ZNF486: variants seen among roughly 807,000 people sequenced by gnomAD.
The protein encoded by ZNF486 is KRAB box only protein 2.
Under a neutral mutation model 12.8 loss-of-function variants are expected in ZNF486, and 12 were observed. That is an observed-to-expected ratio of 0.94 (90% CI 0.60 to 1.52). ZNF486 has a LOEUF of 1.52. Ranked by LOEUF, ZNF486 falls within the 40% of genes most tolerant of loss-of-function variation. The pLI, the probability that ZNF486 is intolerant of heterozygous loss-of-function variation, is 0.00. For synonymous variants in ZNF486, 231 were observed against 184.9 expected, an observed-to-expected ratio of 1.25 and a Z score of -2.02; for missense variants, 738 against 545.0, an observed-to-expected ratio of 1.35 and a Z score of -3.53.
intron 1 of ZNF486, among the ~76,000 whole-genome samples, chr19:20,170,435 C>CAGGT (rs1443636242): frequency 6.6e-6 from 1 of 151,916 alleles, no homozygotes; most frequent in African/African-American, 2.4e-5. Context: ...AGCGTCTTGG[C>CAGGT]AGGTACATGT....
chr19:20,194,641 T>C (rs1310933805), intron 3 of ZNF486, among the ~76,000 whole-genome samples: 4 of 152,014 alleles, frequency 2.6e-5, no homozygotes, highest in Non-Finnish European at 5.9e-5. Context: ...GGCAGGAGAA[T>C]CCCTTGAACC....
chr19:20,195,805 A>G (rs185139524), intron 3 of ZNF486, among the ~76,000 whole-genome samples: 9 of 152,294 alleles, frequency 5.9e-5, no homozygotes, highest in Admixed American at 1.3e-4. Context: ...TGCTACACCC[A>G]TTCCCTGTTT....
chr19:20,167,491 C>T lies in ZNF486; in HGVS notation c.30+131C>T, dbSNP rs983841300. 1.0e-4 allele frequency: 107 copies of T among 1,047,300 alleles called. 1 individual carries two copies. The African/African-American group carries it at 1.6e-3, about 16-fold the overall frequency. The allele number at this position is 1,047,300 out of a possible 1,614,324, so 64.9% of individuals were successfully genotyped here. On this transcript the variant is annotated intron_variant, in intron 1 of 3. Coordinates refer to ENST00000335117, the MANE Select transcript of ZNF486 (RefSeq NM_052852.4). ...CGGACTTCTCCTTACCCAGCTCGGC[C>T]TCAGTCCCCTTCAGCCATAAGATGG...
intron 3 of ZNF486, among the ~76,000 whole-genome samples, chr19:20,186,763 T>G (rs2089851229): frequency 6.6e-6 from 1 of 151,098 alleles, no homozygotes; most frequent in African/African-American, 2.4e-5. Flanking sequence ...TTTATTTGGA[T>G]CTTCTCTAAT....
intron 1 of ZNF486, among the ~76,000 whole-genome samples, chr19:20,173,435 T>C (rs836893): frequency 0.17 from 26,334 of 152,110 alleles, 2,766 homozygotes; most frequent in East Asian, 0.47. Context: ...ATGGATTTTA[T>C]ATAACATCTT....
At chr19:20,188,877 A>G (rs2089875863) in intron 3 of ZNF486, 2 of 158,310 alleles carry the variant, frequency 1.3e-5, no homozygotes, top group South Asian at 4.1e-4. Flanking sequence ...TTCAAGTGAC[A>G]TAATATTCTC....
Position 20,197,727 on chromosome 19 carries a change from A to T in ZNF486, c.1017A>T (p.Lys339Asn). The part of the protein sequence containing the change: ...KAFISSSILS[K>N]HEKIHTGEKP... ...TTATTTCATCCTCGATCCTTAGTAA[A>T]CATGAGAAGATTCATACGGGAGAGA... is the stretch of plus-strand genomic sequence containing the variant. Residue 339 changes from lysine (K) to asparagine (N), a missense_variant, in exon 4 of 4, where the codon AAA (lysine) becomes AAT (asparagine). By Grantham distance (94) the Lys-to-Asn change is moderately conservative (BLOSUM62 0). Transcript: ENST00000335117. The T allele has an allele frequency of 6.2e-7, 1 of 1,613,968 alleles. No individual in the cohort carries two copies. The highest frequency in any genetic ancestry group is 8.5e-7 in the Non-Finnish European group (1 of 1,179,954).
At chr19:20,194,354 C>T (rs1446875626) in intron 3 of ZNF486, among the ~76,000 whole-genome samples, 1 of 152,192 alleles carries the variant, frequency 6.6e-6, no homozygotes, top group Non-Finnish European at 1.5e-5. Context: ...GGCATTATTG[C>T]ATTTGACAGC....
At chr19:20,188,478 G>T in intron 3 of ZNF486, 1 of 398,438 alleles carries the variant, frequency 2.5e-6, no homozygotes, top group Non-Finnish European at 4.4e-6. Context: ...GAGCCCAAAA[G>T]TTTGAGACCA....
chr19:20,198,187 G>C lies in ZNF486; in HGVS notation c.*85G>C, dbSNP rs2089980683. On this transcript the variant is annotated 3_prime_UTR_variant, in exon 4 of 4. Transcript: ENST00000335117. Reference sequence around the variant, plus strand: ...GCTGGAGTGCAATGGCATAATTTTGGCTCACCACAACCTCCACCTTCTGGG... The same window carrying C: ...GCTGGAGTGCAATGGCATAATTTTGCCTCACCACAACCTCCACCTTCTGGG... The C allele has an allele frequency of 2.4e-6, 3 of 1,264,918 alleles. No homozygotes were observed. 78.4% of individuals were successfully genotyped at this position (1,264,918 alleles called of 1,614,324 possible). A position where few individuals can be genotyped will look rare whatever the true frequency, so the allele number is the denominator to read the frequency against.
At chr19:20,174,044 A>C (rs2089678796) in intron 1 of ZNF486, among the ~76,000 whole-genome samples, 1 of 152,270 alleles carries the variant, frequency 6.6e-6, no homozygotes, top group East Asian at 1.9e-4. Context: ...TTTAATTTTT[A>C]GTCCTTTAAA....
At chr19:20,167,735 T>C (rs985316043) in intron 1 of ZNF486, among the ~76,000 whole-genome samples, 7 of 152,124 alleles carry the variant, frequency 4.6e-5, no homozygotes, top group Admixed American at 2.0e-4. Context: ...TCACAGTTTC[T>C]CTTTTCTTTT....
intron 1 of ZNF486, among the ~76,000 whole-genome samples, chr19:20,170,143 C>A (rs1008672473): frequency 6.6e-6 from 1 of 151,506 alleles, no homozygotes; most frequent in African/African-American, 2.4e-5. Flanking sequence ...GTGATCCGCC[C>A]GCCTCGGCCT....
intron 2 of ZNF486, among the ~76,000 whole-genome samples, chr19:20,185,115 T>G (rs2089828394): frequency 6.6e-6 from 1 of 152,116 alleles, no homozygotes; most frequent in African/African-American, 2.4e-5. Flanking sequence ...CACTCTAATT[T>G]TGATAGGAAG....
intron 1 of ZNF486, among the ~76,000 whole-genome samples, chr19:20,170,909 A>T (rs551495025): frequency 1.3e-5 from 2 of 152,152 alleles, no homozygotes; most frequent in Non-Finnish European, 2.9e-5. Flanking sequence ...TGTTTTGTTC[A>T]GTTCTGTGAA....
intron 3 of ZNF486, chr19:20,188,556 C>G (rs2089872418): frequency 2.5e-6 from 1 of 397,838 alleles, no homozygotes; most frequent in Admixed American, 4.4e-5. Flanking sequence ...TGGTGGTATG[C>G]AGCTGTGGTA....
intron 1 of ZNF486, among the ~76,000 whole-genome samples, chr19:20,180,998 T>C (rs1555715449): frequency 6.6e-6 from 1 of 152,158 alleles, no homozygotes; most frequent in East Asian, 1.9e-4. Context: ...TAAGTTTCTT[T>C]TAGGTAAGCT....
In ZNF486 at chr19:20,199,143, A is replaced by G. The variant is rs1307574828; in HGVS notation, c.*1041A>G. ...CAAATATAAAGAATATGGAAAAGCC[A>G]TTAATGTCCATCACATCTTACTCAA... On this transcript the variant is annotated 3_prime_UTR_variant, in exon 4 of 4. Transcript: ENST00000335117. The G allele has an allele frequency of 2.0e-5, 3 of 152,204 alleles. No individual in the cohort carries two copies. The highest frequency in any genetic ancestry group is 7.2e-5 in the African/African-American group (3 of 41,462). 9.4% of individuals were successfully genotyped at this position (152,204 alleles called of 1,614,324 possible). A position where few individuals can be genotyped will look rare whatever the true frequency, so the allele number is the denominator to read the frequency against.
At chr19:20,188,211 C>CT (rs782484112) in intron 3 of ZNF486, among the ~76,000 whole-genome samples, 7 of 151,728 alleles carry the variant, frequency 4.6e-5, no homozygotes, top group Non-Finnish European at 7.4e-5. Flanking sequence ...TGGAGATAGT[C>CT]TTTTTTTTCA....
Sources: gnomAD v4.1 joint callset for allele counts (sites outside exome capture counted in the v4.1 genomes callset) on GRCh38, gnomAD v4.1.1 for gene constraint, MANE v1.5 for transcripts, NCBI Gene and HGNC (gene_info 2026-07-23, HGNC 2026-07-21) for gene names.